PDK1: variants seen among roughly 807,000 people sequenced by gnomAD.
The protein encoded by PDK1 is [Pyruvate dehydrogenase (acetyl-transferring)] kinase isozyme 1, mitochondrial.
In PDK1, 39 loss-of-function variants were observed where a neutral mutation model predicts 54.2. The ratio of observed to expected loss-of-function variants is 0.72; its 90% CI spans 0.56 to 0.94. PDK1 has a LOEUF of 0.94. Among genes scored for constraint, PDK1 ranks in the 40% least tolerant of loss-of-function variants. The pLI is 0.00. For missense variants in PDK1, 552 were observed against 566.0 expected, an observed-to-expected ratio of 0.98 and a Z score of 0.25; for synonymous variants, 221 against 207.1, an observed-to-expected ratio of 1.07 and a Z score of -0.58.
chr2:172,618,266 A>G, the PDK1 span, among the ~76,000 whole-genome samples: 1 of 152,234 alleles, frequency 6.6e-6, no homozygotes, highest in Non-Finnish European at 1.5e-5. Flanking sequence ...AAGATATAAA[A>G]CATTCAAGTG....
At chr2:172,591,045 CTT>C (rs1273922526) in intron 9 of PDK1, among the ~76,000 whole-genome samples, 1 of 152,142 alleles carries the variant, frequency 6.6e-6, no homozygotes, top group African/African-American at 2.4e-5. Flanking sequence ...GAGGGGAACT[CTT>C]TAGGCCAGTG....
At chr2:172,652,077 C>T in the PDK1 span, among the ~76,000 whole-genome samples, 2 of 152,202 alleles carry the variant, frequency 1.3e-5, no homozygotes, top group Non-Finnish European at 2.9e-5. Context: ...CAGTAAAATA[C>T]TGGCAAACTG....
At chr2:172,646,523 C>T in the PDK1 span, among the ~76,000 whole-genome samples, 1 of 151,116 alleles carries the variant, frequency 6.6e-6, no homozygotes. Flanking sequence ...AAGCGGTCAA[C>T]TTGATGCAGT....
rs1217703226 is a variant in PDK1 at position 172,604,858 on chromosome 2, A to G, written c.*8889A>G. 3 of 152,196 alleles carry G rather than the reference A, an allele frequency of 2.0e-5. No homozygotes were observed. The highest frequency in any genetic ancestry group is 4.4e-5 in the Non-Finnish European group (3 of 68,034). The allele number at this position is 152,196 out of a possible 1,614,324, so 9.4% of individuals were successfully genotyped here. Reference sequence around the variant, plus strand: ...AGTTTCGAGATTATTTTGGAGCTTTATATTGGGTATGTTCTTATCCAACTA... The same window carrying G: ...AGTTTCGAGATTATTTTGGAGCTTTGTATTGGGTATGTTCTTATCCAACTA... On this transcript the variant is annotated 3_prime_UTR_variant, in exon 11 of 11. Transcript: ENST00000282077.
intron 1 of PDK1, among the ~76,000 whole-genome samples, chr2:172,557,630 TG>T (rs1688412877): frequency 6.6e-6 from 1 of 151,238 alleles, no homozygotes; most frequent in South Asian, 2.1e-4. Context: ...TGTGTGTGTG[TG>T]TGTGTGTGTG....
At chr2:172,713,397 C>G in the PDK1 span, among the ~76,000 whole-genome samples, 1 of 152,226 alleles carries the variant, frequency 6.6e-6, no homozygotes, top group South Asian at 2.1e-4. Context: ...AGGAGCCTGT[C>G]TGCCCCCTGC....
At chr2:172,656,206 G>A in the PDK1 span, among the ~76,000 whole-genome samples, 2 of 152,116 alleles carry the variant, frequency 1.3e-5, no homozygotes, top group South Asian at 2.1e-4. Context: ...ACACTAAAAC[G>A]ATTTACTGAG....
chr2:172,608,140 A>G lies in PDK1; in HGVS notation c.*12171A>G, dbSNP rs1319360738. The G allele has an allele frequency of 6.6e-6, 1 of 152,222 alleles. No homozygotes were observed. Among genetic ancestry groups the G allele is most frequent in the Non-Finnish European group, 1.5e-5 (1 of 68,036 alleles). 9.4% of individuals were successfully genotyped at this position (152,222 alleles called of 1,614,324 possible). A position where few individuals can be genotyped will look rare whatever the true frequency, so the allele number is the denominator to read the frequency against. On this transcript the variant is annotated 3_prime_UTR_variant, in exon 11 of 11. Coordinates refer to ENST00000282077, the MANE Select transcript of PDK1 (RefSeq NM_002610.5). ...CATCATACCCTGTGGGGAATTTACA[A>G]TCTAAATATAACAAACATATAGAGT...
chr2:172,675,993 G>C, the PDK1 span, among the ~76,000 whole-genome samples: 1 of 151,924 alleles, frequency 6.6e-6, no homozygotes, highest in Non-Finnish European at 1.5e-5. Flanking sequence ...TCTTCTGCTT[G>C]TGCTTTATAA....
At chr2:172,710,028 G>A in the PDK1 span, among the ~76,000 whole-genome samples, 1 of 152,194 alleles carries the variant, frequency 6.6e-6, no homozygotes, top group Non-Finnish European at 1.5e-5. Flanking sequence ...GGAAATCGCT[G>A]ACCCTGGGAA....
chr2:172,706,076 C>T, the PDK1 span, among the ~76,000 whole-genome samples: 1 of 152,164 alleles, frequency 6.6e-6, no homozygotes, highest in African/African-American at 2.4e-5. Flanking sequence ...TTGACACAGT[C>T]AAGATAAAGA....
chr2:172,713,466 C>G, the PDK1 span, among the ~76,000 whole-genome samples: 2 of 152,238 alleles, frequency 1.3e-5, no homozygotes, highest in East Asian at 1.9e-4. Flanking sequence ...CCGTGCCGAG[C>G]TGCCCACAGT....
At chr2:172,627,469 C>T in the PDK1 span, among the ~76,000 whole-genome samples, 2 of 152,156 alleles carry the variant, frequency 1.3e-5, no homozygotes, top group African/African-American at 4.8e-5. Context: ...ACAGAACATG[C>T]TTCTATTTAG....
At chr2:172,572,249 T>TG (rs764436768) in intron 8 of PDK1, among the ~76,000 whole-genome samples, 3 of 152,214 alleles carry the variant, frequency 2.0e-5, no homozygotes, top group Non-Finnish European at 2.9e-5. Context: ...AGTTTCCCTA[T>TG]ACTATTATCC....
the PDK1 span, among the ~76,000 whole-genome samples, chr2:172,702,792 G>A: frequency 1.3e-5 from 2 of 152,032 alleles, no homozygotes; most frequent in Non-Finnish European, 2.9e-5. Flanking sequence ...AGGATGGATG[G>A]TTGGAATTAT....
At chr2:172,655,362 C>T in the PDK1 span, among the ~76,000 whole-genome samples, 2 of 152,096 alleles carry the variant, frequency 1.3e-5, no homozygotes, top group Admixed American at 1.3e-4. Context: ...TTTTATCACA[C>T]ATTCATCATT....
the PDK1 span, among the ~76,000 whole-genome samples, chr2:172,670,962 A>C: frequency 3.3e-5 from 5 of 152,246 alleles, no homozygotes; most frequent in South Asian, 1.0e-3. Context: ...CAGGAGCTAC[A>C]AAATGCTAAC....
the PDK1 span, among the ~76,000 whole-genome samples, chr2:172,702,548 C>T: frequency 2.7e-5 from 4 of 149,150 alleles, no homozygotes; most frequent in Admixed American, 2.7e-4. Flanking sequence ...ACAATTGTCT[C>T]GCTTACCCCA....
rs1691230004 is a variant in PDK1 at position 172,604,725 on chromosome 2, T to C, written c.*8756T>C. 1 of 152,200 alleles carries C rather than the reference T, an allele frequency of 6.6e-6. No individual in the cohort carries two copies. The highest frequency in any genetic ancestry group is 1.5e-5 in the Non-Finnish European group (1 of 68,050). 9.4% of individuals were successfully genotyped at this position (152,200 alleles called of 1,614,324 possible). The stretch of plus-strand genomic sequence containing the variant: ...GACTTTGCCCTCTTGTCTAGCCCTC[T>C]CCATTTAGACTTGGAAGGGTCAGCA... On this transcript the variant is annotated 3_prime_UTR_variant, in exon 11 of 11. Coordinates refer to ENST00000282077, the MANE Select transcript of PDK1 (RefSeq NM_002610.5).
Sources: gnomAD v4.1 joint callset for allele counts (sites outside exome capture counted in the v4.1 genomes callset) on GRCh38, gnomAD v4.1.1 for gene constraint, MANE v1.5 for transcripts, NCBI Gene and HGNC (gene_info 2026-07-23, HGNC 2026-07-21) for gene names.